The following RGL1 variants were observed in gnomAD, a reference collection of about 807,000 sequenced individuals.
RGL1 encodes ral guanine nucleotide dissociation stimulator like 1.
A neutral mutation model predicts 95.2 loss-of-function variants in RGL1; 24 were observed. The ratio of observed to expected loss-of-function variants is 0.25; its 90% confidence interval spans 0.18 to 0.35. The LOEUF (loss-of-function observed/expected upper bound fraction) is 0.35, where lower values mean the gene tolerates loss of function less well. RGL1 is among the 10% of genes least tolerant of loss of function. The probability of loss-of-function intolerance (pLI) is 1.00; values close to 1 mark genes in which losing one functional copy is unlikely to be tolerated. For missense variants in RGL1, 715 were observed against 936.3 expected, an observed-to-expected ratio of 0.76 and a Z score of 3.08; for synonymous variants, 329 against 344.9, an observed-to-expected ratio of 0.95 and a Z score of 0.51.
chr1:183,675,707 G>A, intron 1 of RGL1, among the ~76,000 whole-genome samples: 1 of 152,138 alleles, frequency 6.6e-6, no homozygotes, highest in Admixed American at 6.5e-5. Context: ...TACTGTTTAT[G>A]TTGAGCTAAA....
chr1:183,880,895 C>A, intron 5 of RGL1, 95 bp downstream of exon 5: 2 of 1,119,012 alleles, frequency 1.8e-6, no homozygotes, highest in Non-Finnish European at 2.5e-6. Context: ...TAATAGGAAA[C>A]CTTGGTACCC....
intron 1 of RGL1, among the ~76,000 whole-genome samples, chr1:183,643,266 ATTTATTTATTTATTTATT>A (rs1650057130): frequency 7.3e-6 from 1 of 137,720 alleles, no homozygotes; most frequent in African/African-American, 2.6e-5. Context: ...CTGTTTTTTT[ATTTATTTATTTATTTATT>A]TATTTATTTA....
chr1:183,836,740 C>T (rs1212605558), intron 2 of RGL1, among the ~76,000 whole-genome samples: 1 of 152,052 alleles, frequency 6.6e-6, no homozygotes, highest in Non-Finnish European at 1.5e-5. Context: ...AAAAACAGTG[C>T]TGAGGGATAG....
intron 1 of RGL1, among the ~76,000 whole-genome samples, chr1:183,658,235 C>T (rs984992761): frequency 2.0e-5 from 3 of 152,158 alleles, no homozygotes; most frequent in Non-Finnish European, 4.4e-5. Context: ...GCACCATGCG[C>T]CAGCCGAAGC....
At chr1:183,734,235 G>A (rs1049486766) in intron 1 of RGL1, among the ~76,000 whole-genome samples, 4 of 152,066 alleles carry the variant, frequency 2.6e-5, no homozygotes, top group African/African-American at 9.7e-5. Context: ...GAATCCTTTC[G>A]AGAGCTCAGA....
chr1:183,885,065 G>T, intron 7 of RGL1, 127 bp downstream of exon 7: 5 of 748,900 alleles, frequency 6.7e-6, no homozygotes, highest in South Asian at 2.1e-5. Flanking sequence ...GAGCCCACTG[G>T]GTTTTTGTTG....
intron 8 of RGL1, among the ~76,000 whole-genome samples, chr1:183,890,787 G>A (rs1667372240): frequency 6.6e-6 from 1 of 152,120 alleles, no homozygotes; most frequent in Non-Finnish European, 1.5e-5. Context: ...ATGTAGATCA[G>A]TGGTTACCTA....
intron 2 of RGL1, among the ~76,000 whole-genome samples, chr1:183,820,631 A>G (rs1233343934): frequency 6.6e-6 from 1 of 152,162 alleles, no homozygotes. Flanking sequence ...GTGCTGTTCA[A>G]TATGGTAACA....
At chr1:183,872,862 C>T (rs1304709601) in intron 4 of RGL1, among the ~76,000 whole-genome samples, 3 of 151,972 alleles carry the variant, frequency 2.0e-5, no homozygotes, top group African/African-American at 7.3e-5. Context: ...GGGTGAAGAA[C>T]AGCAAAAACA....
At chr1:183,715,804 T>C (rs1655590681) in intron 1 of RGL1, among the ~76,000 whole-genome samples, 1 of 151,994 alleles carries the variant, frequency 6.6e-6, no homozygotes, top group Admixed American at 6.6e-5. Context: ...AAAGAAACTA[T>C]AAGGAATTGG....
intron 1 of RGL1, among the ~76,000 whole-genome samples, chr1:183,664,058 T>G (rs184262387): frequency 2.9e-5 from 3 of 104,106 alleles, no homozygotes; most frequent in African/African-American, 1.1e-4. Context: ...CTCTGAGGAC[T>G]GTTGTGGGGT....
intron 1 of RGL1, among the ~76,000 whole-genome samples, chr1:183,638,127 A>T (rs1437878752): frequency 6.6e-6 from 1 of 152,134 alleles, no homozygotes; most frequent in Non-Finnish European, 1.5e-5. Context: ...TATTTAGGAA[A>T]TTTTTTATTT....
chr1:183,809,874 G>T (rs551868491), intron 2 of RGL1, among the ~76,000 whole-genome samples: 1 of 152,120 alleles, frequency 6.6e-6, no homozygotes, highest in Admixed American at 6.5e-5. Context: ...GGAGGATCGC[G>T]TGAGCCAGGG....
intron 16 of RGL1, among the ~76,000 whole-genome samples, chr1:183,921,990 G>T (rs1273276601): frequency 6.6e-6 from 1 of 152,186 alleles, no homozygotes; most frequent in Admixed American, 6.5e-5. Flanking sequence ...TTTTAATAGC[G>T]GATGACGCTG....
chr1:183,726,631 T>C (rs545038911), intron 1 of RGL1, among the ~76,000 whole-genome samples: 3 of 152,278 alleles, frequency 2.0e-5, no homozygotes, highest in Admixed American at 6.5e-5. Context: ...TAGAAATCTT[T>C]CCATAAAAAA....
Position 183,828,559 on chromosome 1 carries a change from C to T in RGL1, c.139-19007C>T, listed in dbSNP as rs536499037. Reference sequence around the variant, plus strand: ...TCTGAGGGATCTGGGTTCTGTCTTTCGACTCTTGGCTCTGTCAATTACTAG... The same window carrying T: ...TCTGAGGGATCTGGGTTCTGTCTTTTGACTCTTGGCTCTGTCAATTACTAG... On this transcript the variant is annotated intron_variant, in intron 2 of 17. Coordinates refer to ENST00000360851, the MANE Select transcript of RGL1 (RefSeq NM_001297671.3). Among the ~76,000 whole-genome samples the T allele has an allele frequency of 2.6e-5, 4 of 152,254 alleles. No individual in the cohort carries two copies. In the South Asian group the frequency reaches 8.3e-4, roughly 32 times the overall value.
chr1:183,889,376 G>A (rs1364691501), intron 8 of RGL1, among the ~76,000 whole-genome samples: 2 of 152,166 alleles, frequency 1.3e-5, no homozygotes, highest in African/African-American at 4.8e-5. Context: ...GGCTATATCA[G>A]GGAAGAATCT....
rs182937310 is a variant in RGL1 at position 183,723,253 on chromosome 1, T to C, written c.-32-18873T>C. ...TCAGCTAGCAGGAGGCAGAGCAAGA[T>C]GGCTGAATAGAAGCCTTCAACCAAT... On this transcript the variant is annotated intron_variant, in intron 1 of 18. Coordinates refer to the RGL1 transcript ENST00000304685. Among the ~76,000 whole-genome samples, 30 of 152,334 alleles carry C rather than the reference T, an allele frequency of 2.0e-4. 1 individual carries two copies. Among genetic ancestry groups the C allele is most frequent in the Admixed American group, 2.0e-3 (30 of 15,294 alleles).
At chr1:183,839,203 T>G (rs1477552242) in intron 2 of RGL1, among the ~76,000 whole-genome samples, 1 of 152,238 alleles carries the variant, frequency 6.6e-6, no homozygotes, top group Admixed American at 6.5e-5. Flanking sequence ...CTATTTTAAT[T>G]GATGTAATTT....
Sources: allele counts gnomAD v4.1 joint callset (sites outside exome capture counted in the v4.1 genomes callset), GRCh38; gene constraint gnomAD v4.1.1; transcripts MANE v1.5; gene names NCBI Gene and HGNC (gene_info 2026-07-23, HGNC 2026-07-21).